Variants in FAM81B observed in about 807,000 individuals in gnomAD.
FAM81B encodes the protein family with sequence similarity 81 member B.
Under a neutral mutation model 58.7 loss-of-function variants are expected in FAM81B, and 60 were observed. The observed-to-expected ratio is 1.02, with a 90% CI of 0.83 to 1.27. The LOEUF (loss-of-function observed/expected upper bound fraction) is 1.27. FAM81B is among the 50% of genes most tolerant of loss of function. The pLI is 0.00. For synonymous variants in FAM81B, 189 were observed against 179.6 expected, an observed-to-expected ratio of 1.05 and a Z score of -0.42; for missense variants, 491 against 522.0, an observed-to-expected ratio of 0.94 and a Z score of 0.58.
intron 4 of FAM81B, among the ~76,000 whole-genome samples, chr5:95,417,554 A>C (rs935233066): frequency 6.6e-6 from 1 of 152,322 alleles, no homozygotes; most frequent in Non-Finnish European, 1.5e-5. Context: ...GTCTTTTGTT[A>C]ATTTATCTTT....
At chr5:95,393,026 T>C (rs948396996) in intron 2 of FAM81B, 129 bp downstream of exon 2, 1 of 770,650 alleles carries the variant, frequency 1.3e-6, no homozygotes, top group Non-Finnish European at 1.9e-6. Context: ...TGTTCTGTCT[T>C]GGCAAAATGG....
intron 8 of FAM81B, 63 bp from the exon 9 acceptor site, chr5:95,448,206 C>T (rs1745655989): frequency 3.5e-6 from 5 of 1,432,790 alleles, no homozygotes; most frequent in Non-Finnish European, 3.8e-6. Flanking sequence ...AAAATATTTT[C>T]TCTAAGCTGA....
chr5:95,433,500 T>C (rs1744990423), intron 6 of FAM81B, among the ~76,000 whole-genome samples: 1 of 152,184 alleles, frequency 6.6e-6, no homozygotes, highest in Admixed American at 6.5e-5. Context: ...CCAAACCATA[T>C]CAAGGAAGTT....
chr5:95,396,226 A>T, intron 3 of FAM81B, 51 bp downstream of exon 3: 1 of 1,391,036 alleles, frequency 7.2e-7, no homozygotes, highest in Non-Finnish European at 9.9e-7. Flanking sequence ...ATTTATTGTG[A>T]CAAATCTCAC....
chr5:95,450,093 T>TAAA, intron 9 of FAM81B, 56 bp from the exon 10 acceptor site: 1 of 1,533,166 alleles, frequency 6.5e-7, no homozygotes, highest in Non-Finnish European at 8.7e-7. Context: ...GCAACTTTTT[T>TAAA]AAAAAAAAGC....
At position 95,432,206 on chromosome 5, in the gene FAM81B, T is replaced by C. The variant is rs970392475; in HGVS notation, c.786+3474T>C. Among the ~76,000 whole-genome samples, 3 of 152,122 alleles carry C rather than the reference T, an allele frequency of 2.0e-5. No individual in the cohort carries two copies. In the South Asian group the frequency reaches 6.2e-4, roughly 32 times the overall value. On this transcript the variant is annotated intron_variant, in intron 6 of 9. Coordinates refer to ENST00000283357, the MANE Select transcript of FAM81B (RefSeq NM_152548.3). ...CTGTTATACTAGTGTAATTATTTCCTATTATTAAACCATCCTTGCATTTTC... is the reference window on the plus strand; with the variant it reads ...CTGTTATACTAGTGTAATTATTTCCCATTATTAAACCATCCTTGCATTTTC...
intron 3 of FAM81B, among the ~76,000 whole-genome samples, chr5:95,397,345 T>G (rs946112742): frequency 3.3e-5 from 5 of 152,240 alleles, no homozygotes; most frequent in Admixed American, 1.3e-4. Flanking sequence ...TGACTTTTCT[T>G]CTGAGTTAAG....
At chr5:95,398,214 T>C (rs1762012236) in intron 3 of FAM81B, among the ~76,000 whole-genome samples, 1 of 151,750 alleles carries the variant, frequency 6.6e-6, no homozygotes, top group Non-Finnish European at 1.5e-5. Flanking sequence ...ATGTCAGGAG[T>C]TGAAGACCAG....
chr5:95,432,362 A>AT (rs1744936580), intron 6 of FAM81B, among the ~76,000 whole-genome samples: 1 of 151,924 alleles, frequency 6.6e-6, no homozygotes, highest in African/African-American at 2.4e-5. Flanking sequence ...TCGTTTTCAG[A>AT]TTTTGGAATC....
chr5:95,393,924 A>G (rs867272147), intron 2 of FAM81B, among the ~76,000 whole-genome samples: 7 of 152,234 alleles, frequency 4.6e-5, no homozygotes, highest in African/African-American at 1.7e-4. Flanking sequence ...CAGTTTTTAT[A>G]TATAATAACA....
intron 9 of FAM81B, among the ~76,000 whole-genome samples, chr5:95,449,022 C>T (rs1745694868): frequency 6.6e-6 from 1 of 152,176 alleles, no homozygotes; most frequent in African/African-American, 2.4e-5. Context: ...CATCTAATTT[C>T]TCAAAGGGAA....
intron 5 of FAM81B, 88 bp from the exon 6 acceptor site, chr5:95,428,515 G>A (rs1762910309): frequency 6.7e-7 from 1 of 1,482,510 alleles, no homozygotes; most frequent in Non-Finnish European, 9.2e-7. Flanking sequence ...TTAGAACTTT[G>A]GCCATCAAAT....
chr5:95,449,188 A>G (rs17084739), intron 9 of FAM81B, among the ~76,000 whole-genome samples: 1,858 of 152,184 alleles, frequency 0.012, 38 homozygotes, highest in African/African-American at 0.042. Flanking sequence ...TGTAAATTCT[A>G]CCAAATTTGG....
chr5:95,423,992 A>G (rs1762756594), intron 5 of FAM81B: 3 of 1,287,902 alleles, frequency 2.3e-6, no homozygotes, highest in Non-Finnish European at 3.0e-6. Flanking sequence ...GCAACACCAA[A>G]CAGCCGGGAG....
intron 3 of FAM81B, among the ~76,000 whole-genome samples, chr5:95,409,105 T>A (rs6875318): frequency 0.27 from 41,521 of 152,218 alleles, 5,866 homozygotes; most frequent in Non-Finnish European, 0.3. Context: ...ACATTTTAGA[T>A]ATAACGGTTT....
intron 1 of FAM81B, among the ~76,000 whole-genome samples, chr5:95,392,302 A>G (rs1274538106): frequency 6.6e-6 from 1 of 152,154 alleles, no homozygotes; most frequent in Non-Finnish European, 1.5e-5. Flanking sequence ...GAGTTGAACA[A>G]TGAGAACACA....
chr5:95,405,976 A>C (rs1446290985), intron 3 of FAM81B: 1 of 152,970 alleles, frequency 6.5e-6, no homozygotes, highest in African/African-American at 2.4e-5. Context: ...CCTTACCAAC[A>C]CAGTCCCTCT....
At chr5:95,408,101 A>AGATT (rs1259297447) in intron 3 of FAM81B, among the ~76,000 whole-genome samples, 3 of 151,810 alleles carry the variant, frequency 2.0e-5, no homozygotes, top group Admixed American at 6.6e-5. Flanking sequence ...AGAGAGAGAG[A>AGATT]GAGAGAGAGA....
chr5:95,416,687 G>T (rs1458824537), intron 4 of FAM81B, among the ~76,000 whole-genome samples: 2 of 152,130 alleles, frequency 1.3e-5, no homozygotes, highest in Non-Finnish European at 2.9e-5. Context: ...TTGTAAGCAT[G>T]ATTTTTATTC....
Sources: gnomAD v4.1 joint callset for allele counts (sites outside exome capture counted in the v4.1 genomes callset) on GRCh38, gnomAD v4.1.1 for gene constraint, MANE v1.5 for transcripts, NCBI Gene and HGNC (gene_info 2026-07-23, HGNC 2026-07-21) for gene names.